Variants in ADGRV1 observed in about 807,000 individuals in gnomAD.
ADGRV1 encodes G-protein coupled receptor 98.
In ADGRV1, 359 loss-of-function variants were observed where a neutral mutation model predicts 596.2. The ratio of observed to expected loss-of-function variants is 0.60; its 90% CI spans 0.55 to 0.66. ADGRV1 has a LOEUF of 0.66. Among genes scored for constraint, ADGRV1 ranks in the 30% least tolerant of loss-of-function variants. The probability of loss-of-function intolerance (pLI) is 0.00; values close to 1 mark genes in which losing one functional copy is unlikely to be tolerated. For synonymous variants in ADGRV1, 2,681 were observed against 2,679.2 expected (o/e 1.00, Z -0.02); for missense variants, 7,274 against 7,575.6 (o/e 0.96, Z 1.48).
chr5:90,858,277 T>TA (rs1767217955), intron 82 of ADGRV1, among the ~76,000 whole-genome samples: 1 of 152,138 alleles, frequency 6.6e-6, no homozygotes, highest in South Asian at 2.1e-4. Flanking sequence ...AATAATTACA[T>TA]AATAAAGCCA....
rs927572299 is a variant in ADGRV1 at position 90,788,761 on chromosome 5, C to T, written c.13893+451C>T. Reference sequence around the variant, plus strand: ...TACTGAAAATAATGCAGAGGGATGACCCATTTTTTTGAAGTTTGTAAAATA... The same window carrying T: ...TACTGAAAATAATGCAGAGGGATGATCCATTTTTTTGAAGTTTGTAAAATA... On this transcript the variant is annotated intron_variant, in intron 68 of 89. Transcript: ENST00000405460. 3.3e-5 allele frequency among the ~76,000 whole-genome samples: 5 copies of T among 151,970 alleles called. No homozygotes were observed. In the South Asian group the frequency reaches 1.0e-3, roughly 32 times the overall value.
intron 58 of ADGRV1, among the ~76,000 whole-genome samples, chr5:90,762,068 C>T (rs1321553576): frequency 6.6e-6 from 1 of 152,154 alleles, no homozygotes; most frequent in Non-Finnish European, 1.5e-5. Flanking sequence ...AAGCTGTTCA[C>T]AAGGGCAATG....
At chr5:91,088,179 A>G (rs187505171) in intron 86 of ADGRV1, among the ~76,000 whole-genome samples, 252 of 152,296 alleles carry the variant, frequency 1.7e-3, no homozygotes, top group African/African-American at 5.6e-3. Flanking sequence ...TTTTATAGAG[A>G]CTGTAAAACA....
intron 78 of ADGRV1, among the ~76,000 whole-genome samples, chr5:90,842,164 T>C (rs1460515802): frequency 6.6e-6 from 1 of 152,242 alleles, no homozygotes; most frequent in Non-Finnish European, 1.5e-5. Context: ...TTGTTCTCAA[T>C]AAGTTATGTA....
Position 90,683,457 on chromosome 5 carries a change from C to T in ADGRV1, c.5665-129C>T, listed in dbSNP as rs545310612. The T allele has an allele frequency of 4.4e-5, 31 of 705,856 alleles. No individual in the cohort carries two copies. The South Asian group carries it at 6.3e-4, about 14-fold the overall frequency. 43.7% of individuals were successfully genotyped at this position (705,856 alleles called of 1,614,324 possible). On this transcript the variant is annotated intron_variant, in intron 27 of 89. Transcript: ENST00000405460. ...GATAGTATATGACCCCTGCCTGCAG[C>T]AGTCTTGTAGTCTGGAGAAGAACTT... is the stretch of plus-strand genomic sequence containing the variant.
At chr5:91,030,936 A>C (rs574572514) in intron 85 of ADGRV1, 178 of 864,458 alleles carry the variant, frequency 2.1e-4, no homozygotes, top group Non-Finnish European at 2.8e-4. Context: ...ATCAGAGTCC[A>C]TATAGTACTG....
intron 6 of ADGRV1, 72 bp downstream of exon 6, chr5:90,625,315 T>A: frequency 2.1e-6 from 2 of 935,112 alleles, no homozygotes; most frequent in Non-Finnish European, 3.4e-6. Context: ...ATAAACTTAG[T>A]GTATTGTGGC....
intron 36 of ADGRV1, 94 bp from the exon 37 acceptor site, chr5:90,705,306 T>G: frequency 9.8e-7 from 1 of 1,022,614 alleles, no homozygotes; most frequent in East Asian, 2.4e-5. Context: ...TAGAACACTT[T>G]TGATTACCTT....
intron 1 of ADGRV1, among the ~76,000 whole-genome samples, chr5:90,610,973 T>C (rs1434042204): frequency 2.6e-5 from 4 of 151,958 alleles, no homozygotes; most frequent in African/African-American, 9.7e-5. Context: ...ATTTCCATTC[T>C]TATGCTTAAA....
At chr5:90,812,465 C>CTTTTT (rs1487849968) in intron 74 of ADGRV1, among the ~76,000 whole-genome samples, 1 of 152,104 alleles carries the variant, frequency 6.6e-6, no homozygotes, top group African/African-American at 2.4e-5. Flanking sequence ...AAGTACTTAA[C>CTTTTT]TTTTTTTATA....
rs954462326 is a variant in ADGRV1, at chr5:90,657,888, C to T, written c.4379-17C>T. ...ACTTGAAGGTATTGTAGCATTTAAA[C>T]TTGTCTCTAATTTCAGGTCCTGGGA... On this transcript the variant is annotated splice_polypyrimidine_tract_variant and intron_variant, in intron 20 of 89. Coordinates refer to ENST00000405460, the MANE Select transcript of ADGRV1 (RefSeq NM_032119.4). The T allele has an allele frequency of 1.3e-6, 2 of 1,588,834 alleles. No individual in the cohort carries two copies. The highest frequency in any genetic ancestry group is 1.7e-6 in the Non-Finnish European group (2 of 1,165,198).
chr5:90,614,522 T>G (rs1036328432), intron 1 of ADGRV1, among the ~76,000 whole-genome samples: 1 of 152,120 alleles, frequency 6.6e-6, no homozygotes, highest in Non-Finnish European at 1.5e-5. Context: ...TTTCTTAAAA[T>G]GTGGATGTCA....
Position 90,694,095 on chromosome 5 carries a change from C to T in ADGRV1, c.7339C>T (p.Gln2447Ter). The T allele has an allele frequency of 6.2e-7, 1 of 1,613,836 alleles. No individual in the cohort carries two copies. Among genetic ancestry groups the T allele is most frequent in the Non-Finnish European group, 8.5e-7 (1 of 1,179,856 alleles). ...CTGTGCCACTTTGTGCCTTAAGGAA[C>T]AAGCTTGCTCAGCGTTTTCATTTTT... Reference protein sequence around the residue: ...YTCATLCLKEQACSAFSFFSA... With the variant: ...YTCATLCLKE Residue 2447 changes from glutamine (Q) to a stop codon, truncating the protein, a stop_gained, in exon 33 of 90, where the codon CAA (glutamine) becomes TAA (stop). Coordinates refer to ENST00000405460, the MANE Select transcript of ADGRV1 (RefSeq NM_032119.4). LOFTEE classifies it high-confidence loss of function.
intron 83 of ADGRV1, among the ~76,000 whole-genome samples, chr5:90,928,711 C>T (rs545013172): frequency 1.6e-4 from 24 of 150,724 alleles, no homozygotes; most frequent in African/African-American, 4.9e-4. Context: ...AGGCGCTCTG[C>T]TTTTTAGAGT....
At chr5:91,160,827 G>A (rs1796881627) in intron 89 of ADGRV1, among the ~76,000 whole-genome samples, 1 of 152,144 alleles carries the variant, frequency 6.6e-6, no homozygotes, top group African/African-American at 2.4e-5. Context: ...ATGAGTATCT[G>A]GATATTTGTG....
intron 89 of ADGRV1, among the ~76,000 whole-genome samples, chr5:91,158,356 G>A (rs1796642304): frequency 6.6e-6 from 1 of 152,158 alleles, no homozygotes; most frequent in African/African-American, 2.4e-5. Context: ...CTATAAACAG[G>A]TAGAAGATAA....
rs796965225 is a variant in ADGRV1, at chr5:90,928,943, CG to C, written c.17857-36467del. Among the ~76,000 whole-genome samples the C allele has an allele frequency of 5.7e-4, 82 of 144,342 alleles. No individual in the cohort carries two copies. In the East Asian group the frequency reaches 9.9e-3, roughly 17 times the overall value. 94.7% of individuals were successfully genotyped at this position (144,342 alleles called of 152,430 possible). A position where few individuals can be genotyped will look rare whatever the true frequency, so the allele number is the denominator to read the frequency against. ...GGGGGTGCCTCCCAGTTAGGCTGCT[CG>C]GGGGTCAGGGGTCAGGGACCCACTT... On this transcript the variant is annotated intron_variant, in intron 83 of 89. Coordinates refer to ENST00000405460, the MANE Select transcript of ADGRV1 (RefSeq NM_032119.4).
intron 62 of ADGRV1, 40 bp downstream of exon 62, chr5:90,778,083 C>A: frequency 6.5e-7 from 1 of 1,540,576 alleles, no homozygotes. Flanking sequence ...CCTTTACTCT[C>A]TGTGCTGGTG....
At chr5:90,763,173 C>T in intron 58 of ADGRV1, 132 bp from the exon 59 acceptor site, 1 of 847,338 alleles carries the variant, frequency 1.2e-6, no homozygotes, top group Admixed American at 3.3e-5. Flanking sequence ...ATTTTTCTGC[C>T]ACATGATAAT....
Sources: allele counts gnomAD v4.1 joint callset (sites outside exome capture counted in the v4.1 genomes callset), GRCh38; gene constraint gnomAD v4.1.1; transcripts MANE v1.5; gene names NCBI Gene and HGNC (gene_info 2026-07-23, HGNC 2026-07-21).